FRMPD1: variants seen among roughly 807,000 people sequenced by gnomAD.
The protein encoded by FRMPD1 is FERM and PDZ domain containing 1, also known as FERM and PDZ domain-containing protein 1.
FRMPD1 carries 76 observed loss-of-function variants against 117.8 expected under a neutral mutation model. That is an observed-to-expected ratio of 0.65 (90% CI 0.54 to 0.78). The LOEUF (loss-of-function observed/expected upper bound fraction) is 0.78, where lower values mean the gene tolerates loss of function less well. FRMPD1 is among the 30% of genes least tolerant of loss of function. FRMPD1 has a pLI of 0.00. For missense variants in FRMPD1, 1,786 were observed against 1,964.5 expected (o/e 0.91, Z 1.72); for synonymous variants, 783 against 770.4 (o/e 1.02, Z -0.27).
At chr9:37,669,939 G>A (rs1821292035) in intron 1 of FRMPD1, 1 of 151,510 alleles carries the variant, frequency 6.6e-6, no homozygotes, top group South Asian at 2.1e-4. Context: ...GTTGTGGTGA[G>A]CTGAGATCAC....
chr9:37,697,004 C>T (rs1822344573), intron 2 of FRMPD1, among the ~76,000 whole-genome samples: 1 of 152,096 alleles, frequency 6.6e-6, no homozygotes, highest in South Asian at 2.1e-4. Flanking sequence ...AATGTTAGAG[C>T]TTTATAGAGA....
chr9:37,737,214 A>T lies in FRMPD1; in HGVS notation c.1520A>T (p.Gln507Leu). Residue 507 changes from glutamine to leucine, a missense_variant, in exon 14 of 16, where the codon CAA becomes CTA. Transcript: ENST00000377765. ...ATTTTCCTCTGGCCTGGAAACAAAC[A>T]ACAAGCGCACCGGGTATCTGCAGAA... Reference protein sequence around the residue: ...TSIFLWPGNKQQAHRVSAEEG... With the variant: ...TSIFLWPGNKLQAHRVSAEEG... 1 of 1,614,004 alleles carries T rather than the reference A, an allele frequency of 6.2e-7. No homozygotes were observed. The highest frequency in any genetic ancestry group is 8.5e-7 in the Non-Finnish European group (1 of 1,179,946).
chr9:37,692,760 G>T lies in FRMPD1; in HGVS notation c.101+18G>T, dbSNP rs765235377. ...TCGGCCCGGTAAGCCTCCTGAGTTTGCAGATTTCTGTCTATAAAGGTCTGG... is the reference window on the plus strand; with the variant it reads ...TCGGCCCGGTAAGCCTCCTGAGTTTTCAGATTTCTGTCTATAAAGGTCTGG... On this transcript the variant is annotated intron_variant, in intron 2 of 15. Coordinates refer to ENST00000377765, the MANE Select transcript of FRMPD1 (RefSeq NM_014907.3). The T allele has an allele frequency of 5.7e-6, 9 of 1,570,724 alleles. No individual in the cohort carries two copies. The highest frequency in any genetic ancestry group is 6.1e-6 in the Non-Finnish European group (7 of 1,140,406).
intron 1 of FRMPD1, among the ~76,000 whole-genome samples, chr9:37,691,912 A>G (rs1822152041): frequency 6.6e-6 from 1 of 152,004 alleles, no homozygotes; most frequent in South Asian, 2.1e-4. Context: ...ATCTCAAAAA[A>G]GAAAAGAAAA....
chr9:37,711,392 G>T lies in FRMPD1; in HGVS notation c.405G>T (p.Thr135=), dbSNP rs369822489. The T allele has an allele frequency of 2.5e-6, 4 of 1,606,090 alleles. No individual in the cohort carries two copies. In the East Asian group the frequency reaches 6.7e-5, roughly 27 times the overall value. ...TTTCAATCACAGTTGTTCGCTGCAC[G>T]TCGGTAAATCTCTTTCTATGTCCTG... ...DSLSITVVRC[T]SGVPKSSFLT... Residue 135 remains threonine (T), a synonymous_variant, in exon 5 of 16, where the codon ACG becomes ACT. Coordinates refer to ENST00000377765, the MANE Select transcript of FRMPD1 (RefSeq NM_014907.3).
chr9:37,632,397 A>C, the FRMPD1 span, among the ~76,000 whole-genome samples: 1 of 152,220 alleles, frequency 6.6e-6, no homozygotes, highest in Non-Finnish European at 1.5e-5. Flanking sequence ...ACAAAAATGG[A>C]ATTTACTGTG....
upstream of FRMPD1, among the ~76,000 whole-genome samples, chr9:37,648,689 G>T (rs2119342984): frequency 6.6e-6 from 1 of 152,218 alleles, no homozygotes; most frequent in African/African-American, 2.4e-5. Context: ...GAAGAAGGAA[G>T]AGTCTAGACT....
intron 1 of FRMPD1, among the ~76,000 whole-genome samples, chr9:37,677,815 G>C (rs1418323607): frequency 6.6e-6 from 1 of 152,188 alleles, no homozygotes; most frequent in Non-Finnish European, 1.5e-5. Flanking sequence ...TGCAACCTTT[G>C]CTCACATTGC....
chr9:37,660,779 C>G (rs185785488), intron 1 of FRMPD1, among the ~76,000 whole-genome samples: 1 of 152,142 alleles, frequency 6.6e-6, no homozygotes, highest in African/African-American at 2.4e-5. Context: ...TGCTGTGTAA[C>G]CTTCCCCACT....
At chr9:37,719,235 A>G in intron 6 of FRMPD1, 59 bp downstream of exon 6, 2 of 1,000,462 alleles carry the variant, frequency 2.0e-6, no homozygotes, top group Non-Finnish European at 3.2e-6. Context: ...TCTGGCACAT[A>G]ACTCCCTGAA....
At chr9:37,711,128 A>T (rs892083316) in intron 4 of FRMPD1, among the ~76,000 whole-genome samples, 2 of 152,080 alleles carry the variant, frequency 1.3e-5, no homozygotes, top group Non-Finnish European at 2.9e-5. Context: ...TCCAGGTGGG[A>T]GGAGCTCTCT....
Position 37,744,932 on chromosome 9 carries a change from G to A in FRMPD1, c.2900G>A (p.Ser967Asn). The change falls in exon 16 of 16, where the codon AGC becomes AAC. Residue 967 changes from serine to asparagine, a missense_variant. Coordinates refer to ENST00000377765, the MANE Select transcript of FRMPD1 (RefSeq NM_014907.3). ...GVVPAASSSA[S>N]TPHCSNPGSS... ...GTCCCTGCTGCCAGCTCCTCAGCAAGCACTCCTCACTGTTCTAACCCAGGT... is the reference window on the plus strand; with the variant it reads ...GTCCCTGCTGCCAGCTCCTCAGCAAACACTCCTCACTGTTCTAACCCAGGT... 2 of 1,614,190 alleles carry A rather than the reference G, an allele frequency of 1.2e-6. No individual in the cohort carries two copies. Among genetic ancestry groups the A allele is most frequent in the Non-Finnish European group, 1.7e-6 (2 of 1,180,026 alleles).
chr9:37,642,552 T>C, the FRMPD1 span, among the ~76,000 whole-genome samples: 1 of 152,216 alleles, frequency 6.6e-6, no homozygotes, highest in Non-Finnish European at 1.5e-5. Flanking sequence ...TAAAATGAGA[T>C]AAACCGCTTA....
At chr9:37,736,003 AT>A (rs199807390) in intron 13 of FRMPD1, among the ~76,000 whole-genome samples, 2,770 of 144,270 alleles carry the variant, frequency 0.019, 76 homozygotes, top group African/African-American at 0.063. Flanking sequence ...ACACCAGAGG[AT>A]TTTTTTTTTT....
At chr9:37,725,788 G>A (rs1823593167) in intron 7 of FRMPD1, among the ~76,000 whole-genome samples, 1 of 152,228 alleles carries the variant, frequency 6.6e-6, no homozygotes, top group Admixed American at 6.5e-5. Flanking sequence ...ACAGGCCCAA[G>A]AGGCCCAAAA....
At chr9:37,634,994 T>A in the FRMPD1 span, among the ~76,000 whole-genome samples, 3 of 152,176 alleles carry the variant, frequency 2.0e-5, no homozygotes, top group African/African-American at 7.2e-5. Flanking sequence ...TGTCCTCCAC[T>A]TGACCAATTG....
intron 1 of FRMPD1, among the ~76,000 whole-genome samples, chr9:37,655,284 A>G (rs1484489930): frequency 6.6e-6 from 1 of 152,002 alleles, no homozygotes; most frequent in Non-Finnish European, 1.5e-5. Context: ...ATCTCTCTCA[A>G]ATATGCCCCC....
the FRMPD1 span, among the ~76,000 whole-genome samples, chr9:37,626,903 G>A: frequency 6.6e-6 from 1 of 152,172 alleles, no homozygotes; most frequent in African/African-American, 2.4e-5. Flanking sequence ...GGGGATTTGT[G>A]TGCACTTTGA....
chr9:37,669,920 G>A (rs900658376), intron 1 of FRMPD1: 1 of 151,946 alleles, frequency 6.6e-6, no homozygotes, highest in Non-Finnish European at 1.5e-5. Flanking sequence ...TTGAACCCGG[G>A]AGGCGGAGGT....
Sources: allele counts gnomAD v4.1 joint callset (sites outside exome capture counted in the v4.1 genomes callset), GRCh38; gene constraint gnomAD v4.1.1; transcripts MANE v1.5; gene names NCBI Gene and HGNC (gene_info 2026-07-23, HGNC 2026-07-21).